The following ADAMTSL2 variants were observed in gnomAD, a reference collection of about 807,000 sequenced individuals.
The protein encoded by ADAMTSL2 is ADAMTS like 2.
ADAMTSL2 carries 55 observed loss-of-function variants against 117.0 expected under a neutral mutation model. The ratio of observed to expected loss-of-function variants is 0.47; its 90% CI spans 0.38 to 0.59. The LOEUF is 0.59. Ranked by LOEUF, ADAMTSL2 falls within the 20% of genes least tolerant of loss-of-function variation. The probability of loss-of-function intolerance (pLI) is 0.00; values close to 1 mark genes in which losing one functional copy is unlikely to be tolerated. For synonymous variants in ADAMTSL2, 572 were observed against 566.4 expected, an observed-to-expected ratio of 1.01 and a Z score of -0.14; for missense variants, 1,182 against 1,354.5, an observed-to-expected ratio of 0.87 and a Z score of 2.00.
intron 17 of ADAMTSL2, among the ~76,000 whole-genome samples, chr9:133,572,855 C>T (rs943801286): frequency 1.3e-5 from 2 of 152,158 alleles, no homozygotes; most frequent in Non-Finnish European, 2.9e-5. Context: ...CATCCACTCC[C>T]CAGGGGCAGA....
intron 6 of ADAMTSL2, 48 bp downstream of exon 6, chr9:133,540,791 T>TGCCC (rs753860673): frequency 1.2e-6 from 2 of 1,613,358 alleles, no homozygotes; most frequent in Admixed American, 3.3e-5. Flanking sequence ...CTGTGCTGAC[T>TGCCC]GCCCGCCCGC....
At chr9:133,565,536 C>A (rs1174399718) in intron 12 of ADAMTSL2, among the ~76,000 whole-genome samples, 1 of 152,232 alleles carries the variant, frequency 6.6e-6, no homozygotes, top group African/African-American at 2.4e-5. Flanking sequence ...CCAGCCTCCC[C>A]CTCAGAGAAG....
rs368800397 is a variant in ADAMTSL2, at chr9:133,537,479, G to C, written c.165G>C (p.Lys55Asn). Residue 55 changes from lysine to asparagine, a missense_variant, in exon 3 of 19, where the codon AAG becomes AAC. Coordinates refer to ENST00000651351, the MANE Select transcript of ADAMTSL2 (RefSeq NM_014694.4). ...ATAFWWGEWT[K>N]WTACSRSCGG... The stretch of plus-strand genomic sequence containing the variant: ...CCTTCTGGTGGGGGGAGTGGACCAA[G>C]TGGACGGCGTGTTCCCGCAGTTGCG... The C allele has an allele frequency of 3.7e-5, 50 of 1,360,348 alleles. No individual in the cohort carries two copies. The highest frequency in any genetic ancestry group is 4.8e-5 in the Non-Finnish European group (50 of 1,048,200). 84.3% of individuals were successfully genotyped at this position (1,360,348 alleles called of 1,614,324 possible).
At chr9:133,563,647 G>T (rs898949065) in intron 12 of ADAMTSL2, among the ~76,000 whole-genome samples, 2 of 152,138 alleles carry the variant, frequency 1.3e-5, no homozygotes. Context: ...TGGCAGGGAG[G>T]GGGCTGGACT....
chr9:133,564,696 G>A (rs1254520954), intron 12 of ADAMTSL2, among the ~76,000 whole-genome samples: 1 of 144,052 alleles, frequency 6.9e-6, no homozygotes, highest in Non-Finnish European at 1.5e-5. Context: ...GGGAGAGGGA[G>A]AGAGAGAGAA....
chr9:133,541,310 A>ACAGAGT (rs1830219019), intron 7 of ADAMTSL2, among the ~76,000 whole-genome samples: 1 of 141,462 alleles, frequency 7.1e-6, no homozygotes, highest in Non-Finnish European at 1.6e-5. Flanking sequence ...TTTTTTTGAG[A>ACAGAGT]CAGAGTCTTG....
intron 11 of ADAMTSL2, 42 bp from the exon 12 acceptor site, chr9:133,561,156 C>T (rs897311003): frequency 6.5e-7 from 1 of 1,535,002 alleles, no homozygotes; most frequent in Non-Finnish European, 8.9e-7. Flanking sequence ...CCGGTGGGGC[C>T]TGGAGCGTCT....
At chr9:133,550,055 C>A (rs1388075898) in intron 9 of ADAMTSL2, among the ~76,000 whole-genome samples, 1 of 152,250 alleles carries the variant, frequency 6.6e-6, no homozygotes, top group African/African-American at 2.4e-5. Flanking sequence ...CCAAGCTCCC[C>A]CATCCAAGAC....
At chr9:133,570,670 A>G (rs1831085249) in intron 17 of ADAMTSL2, among the ~76,000 whole-genome samples, 163 bp downstream of exon 17, 1 of 152,178 alleles carries the variant, frequency 6.6e-6, no homozygotes, top group South Asian at 2.1e-4. Context: ...CCACCACGTC[A>G]GCTGGTGCGA....
rs1830639350 is a variant in ADAMTSL2 at position 133,557,907 on chromosome 9, G to C, written c.1649+1977G>C. 6.6e-6 allele frequency among the ~76,000 whole-genome samples: 1 copy of C among 152,212 alleles called. No homozygotes were observed. The highest frequency in any genetic ancestry group is 1.5e-5 in the Non-Finnish European group (1 of 68,034). On this transcript the variant is annotated intron_variant, in intron 11 of 18. Coordinates refer to ENST00000651351, the MANE Select transcript of ADAMTSL2 (RefSeq NM_014694.4). This position sits in a 1 kb window ranked among gnomAD's most constrained non-coding sequence, Gnocchi z 5.2. ...GGCTTAAGGCATGGACACTGTGTGA[G>C]TTGAGCATCTCTGTCTTCCTCTGGG...
At chr9:133,544,760 G>A (rs1041346142) in intron 8 of ADAMTSL2, among the ~76,000 whole-genome samples, 44 of 152,292 alleles carry the variant, frequency 2.9e-4, no homozygotes, top group Admixed American at 1.2e-3. Context: ...CCCTGTGCAT[G>A]GCAGGACCTT....
At position 133,554,652 on chromosome 9, in the gene ADAMTSL2, G is replaced by A; in HGVS notation, c.1235G>A (p.Gly412Asp). 1 of 1,525,300 alleles carries A rather than the reference G, an allele frequency of 6.6e-7. No homozygotes were observed. The highest frequency in any genetic ancestry group is 8.8e-7 in the Non-Finnish European group (1 of 1,131,232). The allele number at this position is 1,525,300 out of a possible 1,614,324, so 94.5% of individuals were successfully genotyped here. A position where few individuals can be genotyped will look rare whatever the true frequency, so the allele number is the denominator to read the frequency against. The change falls in exon 10 of 19, where the codon GGC (glycine) becomes GAC (aspartate). Residue 412 changes from glycine to aspartate, a missense_variant. Physicochemically the swap from Gly to Asp is moderately conservative, Grantham distance 94. Transcript: ENST00000651351. This position sits in a 1 kb window ranked among gnomAD's most constrained non-coding sequence, Gnocchi z 5.2. ...AACGAGGTGTGCGAGCAGGCCGGCG[G>A]CGGGGCCTGCGAGGGGCCCCCCAGG... is the stretch of plus-strand genomic sequence containing the variant. ...ETNEVCEQAG[G>D]GACEGPPRGK...
At chr9:133,570,221 C>A in intron 16 of ADAMTSL2, 110 bp from the exon 17 acceptor site, 1 of 1,243,404 alleles carries the variant, frequency 8.0e-7, no homozygotes, top group Non-Finnish European at 1.1e-6. Context: ...CTGGAGCATT[C>A]TCACCCAATT....
rs562148006 is a variant in ADAMTSL2 at position 133,559,791 on chromosome 9, G to C, written c.1650-1407G>C. On this transcript the variant is annotated intron_variant, in intron 11 of 18. Transcript: ENST00000651351. Reference sequence around the variant, plus strand: ...TGAAGGAGGCTTTGAAGAAACAGTGGGACCAGCCCCCAGCCCGCAGCCCTT... The same window carrying C: ...TGAAGGAGGCTTTGAAGAAACAGTGCGACCAGCCCCCAGCCCGCAGCCCTT... Among the ~76,000 whole-genome samples the C allele has an allele frequency of 3.7e-4, 56 of 152,224 alleles. 1 individual carries two copies. In the South Asian group the frequency reaches 0.011, roughly 30 times the overall value.
rs375599075 is a variant in ADAMTSL2, at chr9:133,552,910, G to T, written c.940-1447G>T. The stretch of plus-strand genomic sequence containing the variant: ...TTTCTCCCCACGTTCTTACCAAGGC[G>T]CTAACTTCTTTGTCATGAGAGGATG... On this transcript the variant is annotated intron_variant, in intron 9 of 18. Coordinates refer to ENST00000651351, the MANE Select transcript of ADAMTSL2 (RefSeq NM_014694.4). Among the ~76,000 whole-genome samples the T allele has an allele frequency of 3.3e-3, 497 of 152,300 alleles. 5 individuals carry two copies. The highest frequency in any genetic ancestry group is 0.012 in the African/African-American group (482 of 41,552).
intron 18 of ADAMTSL2, 27 bp downstream of exon 18, chr9:133,574,014 C>A (rs940132629): frequency 3.3e-5 from 53 of 1,601,596 alleles, no homozygotes; most frequent in Non-Finnish European, 3.9e-5. Flanking sequence ...CCGAGGGTGG[C>A]TCTGGGAATT....
chr9:133,569,318 C>A, intron 15 of ADAMTSL2, 90 bp from the exon 16 acceptor site: 1 of 1,360,808 alleles, frequency 7.3e-7, no homozygotes, highest in Non-Finnish European at 1.0e-6. Flanking sequence ...TGCCTGGGAG[C>A]CACTCCTCTC....
intron 1 of ADAMTSL2, among the ~76,000 whole-genome samples, chr9:133,535,557 C>G (rs1454284669): frequency 6.6e-6 from 1 of 151,990 alleles, no homozygotes; most frequent in Non-Finnish European, 1.5e-5. Context: ...GGGCAGAGCC[C>G]GAGTTGGCCT....
intron 17 of ADAMTSL2, among the ~76,000 whole-genome samples, chr9:133,570,956 T>C (rs1452119978): frequency 6.6e-6 from 1 of 152,094 alleles, no homozygotes; most frequent in Middle Eastern, 3.2e-3. Flanking sequence ...TGCACCCCCA[T>C]GTCAGGACAC....
Sources: gnomAD v4.1 joint callset for allele counts (sites outside exome capture counted in the v4.1 genomes callset) on GRCh38, gnomAD v4.1.1 for gene constraint, Gnocchi (gnomAD v3.1) non-coding constraint, MANE v1.5 for transcripts, NCBI Gene and HGNC (gene_info 2026-07-23, HGNC 2026-07-21) for gene names.